Variants in ATP1A4 observed in about 807,000 individuals in gnomAD.
ATP1A4 encodes ATPase Na+/K+ transporting subunit alpha 4, also known as sodium/potassium-transporting ATPase subunit alpha-4.
Under a neutral mutation model 114.3 loss-of-function variants are expected in ATP1A4, and 90 were observed. The observed-to-expected ratio is 0.79, with a 90% confidence interval of 0.66 to 0.94. The LOEUF is 0.94. ATP1A4 is among the 40% of genes least tolerant of loss of function. ATP1A4 has a pLI of 0.00. For missense variants in ATP1A4, 1,222 were observed against 1,313.6 expected, an observed-to-expected ratio of 0.93 and a Z score of 1.08; for synonymous variants, 511 against 494.1, an observed-to-expected ratio of 1.03 and a Z score of -0.45.
At chr1:160,181,341 T>C (rs1225201050) in intron 18 of ATP1A4, among the ~76,000 whole-genome samples, 1 of 151,764 alleles carries the variant, frequency 6.6e-6, no homozygotes, top group Non-Finnish European at 1.5e-5. Flanking sequence ...TCGCCTGAGG[T>C]CAGGAGTTCG....
At chr1:160,175,949 T>C in intron 15 of ATP1A4, 143 bp from the exon 16 acceptor site, 1 of 782,488 alleles carries the variant, frequency 1.3e-6, no homozygotes. Flanking sequence ...TTAGAAACAA[T>C]ACTGGGACCC....
At position 160,173,643 on chromosome 1, in the gene ATP1A4, C is replaced by T; in HGVS notation, c.1917C>T (p.Ile639=). 6.2e-7 allele frequency: 1 copy of T among 1,614,192 alleles called. No homozygotes were observed. Among genetic ancestry groups the T allele is most frequent in the Non-Finnish European group, 8.5e-7 (1 of 1,180,044 alleles). ...AGGCCATTGCCAAGGGTGTGGGCATCATCTCAGAAGGCACTGAGACGGCAG... is the reference window on the plus strand; with the variant it reads ...AGGCCATTGCCAAGGGTGTGGGCATTATCTCAGAAGGCACTGAGACGGCAG... The part of the protein sequence containing the change: ...TAKAIAKGVG[I]ISEGTETAEE... The change falls in exon 13 of 22, where the codon ATC becomes ATT. Residue 639 remains isoleucine, a synonymous_variant. Coordinates refer to ENST00000368081, the MANE Select transcript of ATP1A4 (RefSeq NM_144699.4).
At position 160,152,050 on chromosome 1, in the gene ATP1A4, TG is replaced by T. The variant is rs1171510774; in HGVS notation, c.15del (p.Lys6ArgfsTer26). MGL[W>X]GKKGTVAPHD... is the part of the protein sequence containing the mutation. ...CTTTCTGGGGATAGCTATGGGGCTT[TG>T]GGGGAAGAAAGGGACAGTGGCTCCC... On this transcript the variant is annotated frameshift_variant, in exon 1 of 22. Transcript: ENST00000368081. LOFTEE classifies it high-confidence loss of function. The T allele has an allele frequency of 1.5e-5, 24 of 1,613,184 alleles. No individual in the cohort carries two copies. Among genetic ancestry groups the T allele is most frequent in the Non-Finnish European group, 1.9e-5 (23 of 1,179,730 alleles).
Position 160,166,678 on chromosome 1 carries a change from T to C in ATP1A4, c.1198T>C (p.Trp400Arg). The C allele has an allele frequency of 6.2e-7, 1 of 1,614,190 alleles. No individual in the cohort carries two copies. Among genetic ancestry groups the C allele is most frequent in the Non-Finnish European group, 8.5e-7 (1 of 1,180,034 alleles). The change falls in exon 8 of 22, where the codon TGG becomes CGG. Residue 400 changes from tryptophan to arginine, a missense_variant. Physicochemically the swap from Trp to Arg is moderately radical, Grantham distance 101. Coordinates refer to ENST00000368081, the MANE Select transcript of ATP1A4 (RefSeq NM_144699.4). ...GAACCGCATGACCGTCGCCCACATG[T>C]GGTTTGATATGACCGTGTATGAGGC... Reference protein sequence around the residue: ...TQNRMTVAHMWFDMTVYEADT... With the variant: ...TQNRMTVAHMRFDMTVYEADT...
intron 2 of ATP1A4, 75 bp from the exon 3 acceptor site, chr1:160,154,970 A>G: frequency 7.0e-7 from 1 of 1,420,176 alleles, no homozygotes; most frequent in South Asian, 1.2e-5. Context: ...GGGGCTCCAA[A>G]TGTCAGGTTC....
intron 15 of ATP1A4, among the ~76,000 whole-genome samples, chr1:160,175,240 T>C (rs1200617196): frequency 1.3e-5 from 2 of 152,182 alleles, no homozygotes. Flanking sequence ...GTGAAGAGAA[T>C]GCCCTCCTGC....
intron 13 of ATP1A4, 88 bp downstream of exon 13, chr1:160,173,805 A>G (rs964398279): frequency 1.2e-5 from 18 of 1,496,312 alleles, no homozygotes; most frequent in Non-Finnish European, 1.5e-5. Flanking sequence ...AAGTTCTTGG[A>G]GTCTCCTTCA....
At position 160,186,782 on chromosome 1, in the gene ATP1A4, A is replaced by G. The variant is rs748949531; in HGVS notation, c.*83A>G. 1.1e-5 allele frequency: 15 copies of G among 1,390,110 alleles called. No homozygotes were observed. Among genetic ancestry groups the G allele is most frequent in the Non-Finnish European group, 1.5e-5 (15 of 995,752 alleles). 86.1% of individuals were successfully genotyped at this position (1,390,110 alleles called of 1,614,324 possible). A position where few individuals can be genotyped will look rare whatever the true frequency, so the allele number is the denominator to read the frequency against. ...CCAGAGATTATAAGTTTGACACAAC[A>G]TCTGAGACACTAGGATGAATTATCT... On this transcript the variant is annotated 3_prime_UTR_variant, in exon 22 of 22. Transcript: ENST00000368081.
chr1:160,154,690 A>G (rs1024451050), intron 2 of ATP1A4, among the ~76,000 whole-genome samples: 1 of 152,166 alleles, frequency 6.6e-6, no homozygotes, highest in African/African-American at 2.4e-5. Flanking sequence ...GGCCCTGCAC[A>G]TTATAATTAT....
chr1:160,160,966 A>G (rs1370157538), intron 6 of ATP1A4, among the ~76,000 whole-genome samples: 1 of 152,212 alleles, frequency 6.6e-6, no homozygotes, highest in Non-Finnish European at 1.5e-5. Flanking sequence ...ATTTACCCTT[A>G]CAAAGTAGGG....
intron 14 of ATP1A4, 58 bp from the exon 15 acceptor site, chr1:160,174,521 G>A: frequency 1.9e-6 from 3 of 1,581,708 alleles, no homozygotes; most frequent in South Asian, 2.3e-5. Context: ...TGATCTTTGG[G>A]ACTAGTTCTG....
rs1653471386 is a variant in ATP1A4, at chr1:160,176,568, C to A, written c.2556C>A (p.Asn852Lys). ...ACCCAAAGACGGATAATCTGGTGAA[C>A]CACCGTCTCATTGGCATGGCCTATG... Reference protein sequence around the residue: ...PRNPKTDNLVNHRLIGMAYGQ... With the variant: ...PRNPKTDNLVKHRLIGMAYGQ... The change falls in exon 17 of 22, where the codon AAC (asparagine) becomes AAA (lysine). Residue 852 changes from asparagine (N) to lysine (K), a missense_variant. By Grantham distance (94) the Asn-to-Lys change is moderately conservative. Coordinates refer to ENST00000368081, the MANE Select transcript of ATP1A4 (RefSeq NM_144699.4). The A allele has an allele frequency of 6.2e-7, 1 of 1,614,156 alleles. No homozygotes were observed. Among genetic ancestry groups the A allele is most frequent in the Non-Finnish European group, 8.5e-7 (1 of 1,180,036 alleles).
chr1:160,161,185 G>T (rs188385515), intron 6 of ATP1A4, among the ~76,000 whole-genome samples: 1 of 152,208 alleles, frequency 6.6e-6, no homozygotes, highest in Non-Finnish European at 1.5e-5. Flanking sequence ...TTCACAGACC[G>T]ATAGCATTTA....
Position 160,153,181 on chromosome 1 carries a change from C to A in ATP1A4, c.164C>A (p.Thr55Asn), listed in dbSNP as rs150340260. 1 of 1,613,854 alleles carries A rather than the reference C, an allele frequency of 6.2e-7. No individual in the cohort carries two copies. The highest frequency in any genetic ancestry group is 8.5e-7 in the Non-Finnish European group (1 of 1,179,934). Residue 55 changes from threonine to asparagine, a missense_variant, in exon 2 of 22, where the codon ACC becomes AAC. Thr to Asn is a moderately conservative substitution (Grantham distance 65). Transcript: ENST00000368081. ...KEVVMDDHKL[T>N]LEELSTKYSV... ...TCCCCTCAGGATGATCACAAATTAA[C>A]CTTGGAAGAGCTGAGCACCAAGTAC... is the stretch of plus-strand genomic sequence containing the variant.
intron 10 of ATP1A4, 185 bp from the exon 11 acceptor site, chr1:160,171,066 A>G: frequency 1.9e-6 from 1 of 528,814 alleles, no homozygotes; most frequent in Non-Finnish European, 3.3e-6. Context: ...ACCAGGCTGC[A>G]GTTTTCTGGA....
At position 160,167,263 on chromosome 1, in the gene ATP1A4, A is replaced by C. The variant is rs771764853; in HGVS notation, c.1357-15A>C. The C allele has an allele frequency of 1.3e-5, 21 of 1,594,818 alleles. No homozygotes were observed. In the Middle Eastern group the frequency reaches 6.8e-4, roughly 51 times the overall value. Reference sequence around the variant, plus strand: ...CATGCCCCTGGGGCTTACTATACAAACCCCATCCTGGCAGAGGGCCACAAC... The same window carrying C: ...CATGCCCCTGGGGCTTACTATACAACCCCCATCCTGGCAGAGGGCCACAAC... On this transcript the variant is annotated splice_polypyrimidine_tract_variant and intron_variant, in intron 9 of 21. Coordinates refer to ENST00000368081, the MANE Select transcript of ATP1A4 (RefSeq NM_144699.4).
intron 10 of ATP1A4, among the ~76,000 whole-genome samples, chr1:160,169,105 G>T (rs956981875): frequency 1.3e-5 from 2 of 152,230 alleles, no homozygotes; most frequent in African/African-American, 4.8e-5. Context: ...CACCGAGTGT[G>T]ACAGGCTGTC....
intron 6 of ATP1A4, among the ~76,000 whole-genome samples, chr1:160,163,192 C>CA (rs1433596424): frequency 2.9e-4 from 44 of 152,124 alleles, no homozygotes; most frequent in African/African-American, 9.9e-4. Flanking sequence ...TCTCTACACT[C>CA]ACGCTGAACA....
rs757890752 is a variant in ATP1A4 at position 160,171,300 on chromosome 1, T to G, written c.1541T>G (p.Met514Arg). The G allele has an allele frequency of 6.2e-7, 1 of 1,614,090 alleles. No homozygotes were observed. The highest frequency in any genetic ancestry group is 8.5e-7 in the Non-Finnish European group (1 of 1,179,976). Residue 514 changes from methionine to arginine, a missense_variant, in exon 11 of 22, where the codon ATG (methionine) becomes AGG (arginine). Coordinates refer to ENST00000368081, the MANE Select transcript of ATP1A4 (RefSeq NM_144699.4). ...EDSSQTHVLM[M>R]KGAPERILEF... Reference sequence around the variant, plus strand: ...AGCTCCCAGACCCACGTACTGATGATGAAGGGTGCTCCGGAGAGGATCTTG... The same window carrying G: ...AGCTCCCAGACCCACGTACTGATGAGGAAGGGTGCTCCGGAGAGGATCTTG...
Sources: gnomAD v4.1 joint callset for allele counts (sites outside exome capture counted in the v4.1 genomes callset) on GRCh38, gnomAD v4.1.1 for gene constraint, MANE v1.5 for transcripts, NCBI Gene and HGNC (gene_info 2026-07-23, HGNC 2026-07-21) for gene names.